HTR2A: variants seen among roughly 807,000 people sequenced by gnomAD.
The protein encoded by HTR2A is 5-HT2 receptor.
In HTR2A, 14 loss-of-function variants were observed where a neutral mutation model predicts 31.0. The observed-to-expected ratio is 0.45, with a 90% CI of 0.30 to 0.71. HTR2A has a LOEUF of 0.71. Ranked by LOEUF, HTR2A falls within the 30% of genes least tolerant of loss-of-function variation. The pLI is 0.09. For missense variants in HTR2A, 442 were observed against 573.3 expected (o/e 0.77, Z 2.34); for synonymous variants, 209 against 225.2 (o/e 0.93, Z 0.64).
At chr13:46,857,398 A>G (rs917859619) in intron 3 of HTR2A, among the ~76,000 whole-genome samples, 17 of 151,964 alleles carry the variant, frequency 1.1e-4, no homozygotes, top group Admixed American at 1.0e-3. Flanking sequence ...CGGTTTGCCC[A>G]TTTCATAAAT....
chr13:46,835,324 C>G lies in HTR2A; in HGVS notation c.929G>C (p.Arg310Thr), dbSNP rs768848048. The G allele has an allele frequency of 6.2e-7, 1 of 1,614,098 alleles. No individual in the cohort carries two copies. The highest frequency in any genetic ancestry group is 1.7e-5 in the Admixed American group (1 of 59,996). ...CTCATTGCTGATGGACTGCATAGTC[C>G]TCCTGCCTGTGTAGGACCCTGGCTC... ...HREPGSYTGR[R>T]TMQSISNEQK... The change falls in exon 4 of 4, where the codon AGG becomes ACG. Residue 310 changes from arginine to threonine, a missense_variant. Arg to Thr is a moderately conservative substitution (Grantham distance 71). Around this residue, in one of 5 missense-constraint regions of HTR2A, gnomAD observed 174 missense variants for 195.1 expected, o/e 0.89. Coordinates refer to ENST00000542664, the MANE Select transcript of HTR2A (RefSeq NM_000621.5).
In HTR2A at chr13:46,889,984, T is replaced by C. The variant is rs181558486; in HGVS notation, c.613+2406A>G. Among the ~76,000 whole-genome samples, 39 of 152,320 alleles carry C rather than the reference T, an allele frequency of 2.6e-4. No homozygotes were observed. In the East Asian group the frequency reaches 7.1e-3, roughly 28 times the overall value. Reference sequence around the variant, plus strand: ...TCTTCTCCTACCTTACTGTGAGAGATCTTTGAATGCATATCTTTTTCATCT... The same window carrying C: ...TCTTCTCCTACCTTACTGTGAGAGACCTTTGAATGCATATCTTTTTCATCT... On this transcript the variant is annotated intron_variant, in intron 3 of 3. Coordinates refer to ENST00000542664, the MANE Select transcript of HTR2A (RefSeq NM_000621.5).
chr13:46,889,874 T>C (rs1477583808), intron 3 of HTR2A, among the ~76,000 whole-genome samples: 2 of 152,226 alleles, frequency 1.3e-5, no homozygotes. Flanking sequence ...TTTTTACATT[T>C]TCCGCTTGCC....
rs1246602898 is a variant in HTR2A at position 46,831,928 on chromosome 13, A to G, written c.*2909T>C. 1.3e-5 allele frequency: 2 copies of G among 152,220 alleles called. No homozygotes were observed. The highest frequency in any genetic ancestry group is 1.3e-4 in the Admixed American group (2 of 15,282). The allele number at this position is 152,220 out of a possible 1,614,324, so 9.4% of individuals were successfully genotyped here. A position where few individuals can be genotyped will look rare whatever the true frequency, so the allele number is the denominator to read the frequency against. On this transcript the variant is annotated 3_prime_UTR_variant, in exon 4 of 4. Coordinates refer to ENST00000542664, the MANE Select transcript of HTR2A (RefSeq NM_000621.5). ...AGGTTTGTTACTCCGTTTTAATAGT[A>G]TTCATTAAAAGTGAATCCTTTAATC...
chr13:46,856,625 T>C lies in HTR2A; in HGVS notation c.614-20986A>G, dbSNP rs540496977. 1.9e-4 allele frequency among the ~76,000 whole-genome samples: 29 copies of C among 152,148 alleles called. 1 individual carries two copies. The South Asian group carries it at 2.1e-3, about 11-fold the overall frequency. ...AAAAAAATACAAAAAAACACTAGGC[T>C]GAATGGGCCATTTGTATCATGTAGT... On this transcript the variant is annotated intron_variant, in intron 3 of 3. Transcript: ENST00000542664.
At chr13:46,894,045 G>C (rs541426963) in intron 2 of HTR2A, among the ~76,000 whole-genome samples, 2 of 152,354 alleles carry the variant, frequency 1.3e-5, no homozygotes, top group African/African-American at 4.8e-5. Context: ...AACAGATGTC[G>C]GCCCTCGGAG....
chr13:46,863,951 T>C (rs1393260416), intron 3 of HTR2A, among the ~76,000 whole-genome samples: 3 of 152,078 alleles, frequency 2.0e-5, no homozygotes, highest in African/African-American at 7.2e-5. Flanking sequence ...TATTCTGTTA[T>C]AAAGACACAT....
chr13:46,874,530 TC>T (rs1950891168), intron 3 of HTR2A, among the ~76,000 whole-genome samples: 1 of 152,248 alleles, frequency 6.6e-6, no homozygotes, highest in Admixed American at 6.5e-5. Context: ...ATTTGTTTTC[TC>T]CCATGTAAGT....
At chr13:46,849,101 G>T (rs1409881833) in intron 3 of HTR2A, among the ~76,000 whole-genome samples, 3 of 152,034 alleles carry the variant, frequency 2.0e-5, no homozygotes, top group Non-Finnish European at 4.4e-5. Flanking sequence ...GGTTGCACTC[G>T]CTCACCCCCC....
intron 3 of HTR2A, among the ~76,000 whole-genome samples, chr13:46,855,035 T>C (rs1026897671): frequency 5.9e-5 from 9 of 152,120 alleles, no homozygotes; most frequent in Non-Finnish European, 8.8e-5. Flanking sequence ...GACGGAACTA[T>C]AAGTCAGGGA....
chr13:46,856,692 T>C (rs1298020731), intron 3 of HTR2A, among the ~76,000 whole-genome samples: 1 of 152,182 alleles, frequency 6.6e-6, no homozygotes, highest in Non-Finnish European at 1.5e-5. Flanking sequence ...GGGATGAAAG[T>C]CCTTAATGAA....
At chr13:46,892,286 G>T in intron 3 of HTR2A, 104 bp downstream of exon 3, 1 of 1,082,462 alleles carries the variant, frequency 9.2e-7, no homozygotes. Context: ...ACCCAAAACA[G>T]TAGATTGAGG....
chr13:46,883,348 C>A (rs1367846813), intron 3 of HTR2A, among the ~76,000 whole-genome samples: 1 of 151,494 alleles, frequency 6.6e-6, no homozygotes, highest in Non-Finnish European at 1.5e-5. Context: ...CCTCCCATTA[C>A]AAAAGTAATA....
Position 46,834,540 on chromosome 13 carries a change from T to G in HTR2A, c.*297A>C. The G allele has an allele frequency of 3.4e-6, 1 of 292,152 alleles. No homozygotes were observed. The highest frequency in any genetic ancestry group is 6.4e-6 in the Non-Finnish European group (1 of 156,864). The allele number at this position is 292,152 out of a possible 1,614,324, so 18.1% of individuals were successfully genotyped here. A position where few individuals can be genotyped will look rare whatever the true frequency, so the allele number is the denominator to read the frequency against. ...CTTGAAAATAGAAGTTAATTTAGAT[T>G]TACTTAGGGCTTCATAATTATACAA... On this transcript the variant is annotated 3_prime_UTR_variant, in exon 4 of 4. Coordinates refer to ENST00000542664, the MANE Select transcript of HTR2A (RefSeq NM_000621.5).
In HTR2A at chr13:46,842,132, T is replaced by G. The variant is rs142226659; in HGVS notation, c.614-6493A>C. Among the ~76,000 whole-genome samples the G allele has an allele frequency of 8.0e-3, 1,221 of 152,254 alleles. 14 individuals carry two copies. The highest frequency in any genetic ancestry group is 0.068 in the Middle Eastern group (20 of 294). ...ATAATATTAATAATAAAAATAAAACTCTTCAATGCCACAGAAAGTTGGGGG... is the reference window on the plus strand; with the variant it reads ...ATAATATTAATAATAAAAATAAAACGCTTCAATGCCACAGAAAGTTGGGGG... On this transcript the variant is annotated intron_variant, in intron 3 of 3. Coordinates refer to ENST00000542664, the MANE Select transcript of HTR2A (RefSeq NM_000621.5).
chr13:46,840,830 G>A (rs1279904559), intron 3 of HTR2A, among the ~76,000 whole-genome samples: 1 of 152,138 alleles, frequency 6.6e-6, no homozygotes, highest in African/African-American at 2.4e-5. Context: ...TAGATGGGCA[G>A]AAAAATTCTA....
At chr13:46,882,625 A>G (rs1025654781) in intron 3 of HTR2A, among the ~76,000 whole-genome samples, 1 of 152,226 alleles carries the variant, frequency 6.6e-6, no homozygotes, top group Admixed American at 6.5e-5. Context: ...GTGGAAAAAA[A>G]CAAGTAATGT....
intron 3 of HTR2A, among the ~76,000 whole-genome samples, chr13:46,891,078 G>A (rs1194872203): frequency 7.9e-5 from 12 of 152,230 alleles, no homozygotes; most frequent in Admixed American, 7.9e-4. Flanking sequence ...GGTGCTGGAA[G>A]TTTAGAGTCC....
At chr13:46,891,512 C>T (rs537187965) in intron 3 of HTR2A, among the ~76,000 whole-genome samples, 1 of 152,294 alleles carries the variant, frequency 6.6e-6, no homozygotes, top group Non-Finnish European at 1.5e-5. Flanking sequence ...TACTATTATT[C>T]CAATGCTGTG....
Sources: gnomAD v4.1 joint callset for allele counts (sites outside exome capture counted in the v4.1 genomes callset) on GRCh38, gnomAD v4.1.1 for gene constraint, gnomAD v4.1.1 regional missense constraint, MANE v1.5 for transcripts, NCBI Gene and HGNC (gene_info 2026-07-23, HGNC 2026-07-21) for gene names.